Variants in BMPR1B observed in about 807,000 individuals in gnomAD.
BMPR1B encodes the protein bone morphogenetic protein receptor type-1B.
In BMPR1B, 12 loss-of-function variants were observed where a neutral mutation model predicts 59.1. The observed-to-expected ratio is 0.20, with a 90% CI of 0.13 to 0.33. The LOEUF is 0.33. Among genes scored for constraint, BMPR1B ranks in the 10% least tolerant of loss-of-function variants. The probability of loss-of-function intolerance (pLI) is 1.00; values close to 1 mark genes in which losing one functional copy is unlikely to be tolerated. For missense variants in BMPR1B, 550 were observed against 610.9 expected (o/e 0.90, Z 1.05); for synonymous variants, 237 against 207.3 (o/e 1.14, Z -1.23).
chr4:94,952,876 A>T (rs1256240804), intron 2 of BMPR1B, among the ~76,000 whole-genome samples: 1 of 152,152 alleles, frequency 6.6e-6, no homozygotes, highest in Non-Finnish European at 1.5e-5. Flanking sequence ...CTCTGCCACT[A>T]TTATAGTGTG....
intron 3 of BMPR1B, among the ~76,000 whole-genome samples, chr4:95,030,122 G>T (rs1388982337): frequency 9.9e-5 from 15 of 151,572 alleles, no homozygotes; most frequent in South Asian, 4.2e-4. Flanking sequence ...TTAGTTTAAT[G>T]AGATCCCATT....
chr4:95,018,642 A>G (rs1723752584), intron 3 of BMPR1B, among the ~76,000 whole-genome samples: 1 of 152,190 alleles, frequency 6.6e-6, no homozygotes, highest in South Asian at 2.1e-4. Flanking sequence ...ATGGAATTAT[A>G]TGAGCTTTTT....
intron 1 of BMPR1B, among the ~76,000 whole-genome samples, chr4:94,875,547 A>G (rs1037507385): frequency 4.6e-5 from 7 of 152,090 alleles, no homozygotes; most frequent in African/African-American, 9.7e-5. Context: ...AGCCATGTGT[A>G]GTGGCGGGCA....
In BMPR1B at chr4:94,844,678, G is replaced by C. The variant is rs1402743935; in HGVS notation, c.-182-31153G>C. On this transcript the variant is annotated intron_variant, in intron 1 of 12. Coordinates refer to ENST00000515059, the MANE Select transcript of BMPR1B (RefSeq NM_001203.3). ...TATGTCTGCCTGACTTCCCCCCGCT[G>C]CCCCGCTCCCCGCCCCAGATTGTTT... 2.6e-5 allele frequency among the ~76,000 whole-genome samples: 4 copies of C among 151,586 alleles called. No homozygotes were observed. The East Asian group carries it at 7.8e-4, about 29-fold the overall frequency.
chr4:95,094,996 T>G (rs1730258271), intron 3 of BMPR1B, among the ~76,000 whole-genome samples: 1 of 152,116 alleles, frequency 6.6e-6, no homozygotes, highest in African/African-American at 2.4e-5. Flanking sequence ...CAGAAAAGTT[T>G]AGGCATATGT....
intron 2 of BMPR1B, among the ~76,000 whole-genome samples, chr4:94,913,090 C>T (rs945887962): frequency 2.3e-4 from 35 of 152,052 alleles, no homozygotes; most frequent in Non-Finnish European, 1.8e-4. Context: ...AGAGGTGACA[C>T]AATCCTCAGA....
intron 10 of BMPR1B, among the ~76,000 whole-genome samples, chr4:95,141,209 T>C (rs753388920): frequency 2.0e-5 from 3 of 152,222 alleles, no homozygotes; most frequent in Non-Finnish European, 4.4e-5. Context: ...TCTCAGTTTT[T>C]GAGCCTAATT....
chr4:94,819,152 T>A (rs1359771625), intron 1 of BMPR1B, among the ~76,000 whole-genome samples: 7 of 152,120 alleles, frequency 4.6e-5, no homozygotes, highest in Admixed American at 1.3e-4. Flanking sequence ...AATTTTTTTT[T>A]TTTTCTCTTA....
intron 1 of BMPR1B, among the ~76,000 whole-genome samples, chr4:94,841,519 G>A (rs929303447): frequency 1.9e-4 from 29 of 152,150 alleles, no homozygotes; most frequent in Non-Finnish European, 4.3e-4. Context: ...GGAGTGACCC[G>A]ATTTTCCAGG....
intron 2 of BMPR1B, among the ~76,000 whole-genome samples, chr4:94,927,964 T>C (rs765838081): frequency 6.6e-6 from 1 of 152,102 alleles, no homozygotes; most frequent in Non-Finnish European, 1.5e-5. Context: ...ACACCAAAGT[T>C]TTGAGGCTGA....
At position 94,928,164 on chromosome 4, in the gene BMPR1B, AT is replaced by A. The variant is rs201354985; in HGVS notation, c.-113+52278del. Among the ~76,000 whole-genome samples, 1,024 of 139,956 alleles carry A rather than the reference AT, an allele frequency of 7.3e-3. 2 individuals carry two copies. Among genetic ancestry groups the A allele is most frequent in the African/African-American group, 0.017 (647 of 38,444 alleles). The allele number at this position is 139,956 out of a possible 152,430, so 91.8% of individuals were successfully genotyped here. On this transcript the variant is annotated intron_variant, in intron 2 of 12. Coordinates refer to ENST00000515059, the MANE Select transcript of BMPR1B (RefSeq NM_001203.3). ...TTTATTTTATTTTCTGTTTTATTGT[AT>A]TTTTTTTTTTTTTAGAAAGAGAAAT...
intron 2 of BMPR1B, among the ~76,000 whole-genome samples, chr4:94,938,679 T>C (rs2149041652): frequency 6.6e-6 from 1 of 152,300 alleles, no homozygotes; most frequent in Non-Finnish European, 1.5e-5. Context: ...ATAGCTTACA[T>C]CTACTGTATA....
At chr4:94,830,367 TATA>T (rs1306561777) in intron 1 of BMPR1B, among the ~76,000 whole-genome samples, 1 of 152,206 alleles carries the variant, frequency 6.6e-6, no homozygotes. Context: ...TATTTATAAA[TATA>T]ATTCTGTTAG....
chr4:95,071,650 GTGTATA>G lies in BMPR1B; in HGVS notation c.-17-32756_-17-32751del, dbSNP rs1204788320. ...TGTGTGTTTGTGTGTGTGTGTGTGT[GTGTATA>G]TATATATATATATATATATATATAT... is the stretch of plus-strand genomic sequence containing the variant. On this transcript the variant is annotated intron_variant, in intron 3 of 12. Coordinates refer to ENST00000515059, the MANE Select transcript of BMPR1B (RefSeq NM_001203.3). Among the ~76,000 whole-genome samples, 94 of 78,438 alleles carry G rather than the reference GTGTATA, an allele frequency of 1.2e-3. 1 individual carries two copies. The highest frequency in any genetic ancestry group is 1.5e-3 in the Non-Finnish European group (54 of 36,138). The allele number at this position is 78,438 out of a possible 152,430, so 51.5% of individuals were successfully genotyped here. A position where few individuals can be genotyped will look rare whatever the true frequency, so the allele number is the denominator to read the frequency against.
chr4:94,792,124 T>C (rs1723007819), intron 1 of BMPR1B, among the ~76,000 whole-genome samples: 1 of 152,158 alleles, frequency 6.6e-6, no homozygotes, highest in African/African-American at 2.4e-5. Context: ...AGTTTTACCT[T>C]TCTGACGATG....
rs572010243 is a variant in BMPR1B, at chr4:94,988,968, T to C, written c.-112-7072T>C. 2.4e-4 allele frequency among the ~76,000 whole-genome samples: 37 copies of C among 152,266 alleles called. No homozygotes were observed. The South Asian group carries it at 7.3e-3, about 30-fold the overall frequency. On this transcript the variant is annotated intron_variant, in intron 2 of 12. Transcript: ENST00000515059. ...TTCATTTACACTGAGCGTCACCTGT[T>C]CCCTCAGGTGAAAAATGAGGACTAG...
intron 2 of BMPR1B, among the ~76,000 whole-genome samples, chr4:94,949,813 G>T (rs1729862611): frequency 6.6e-6 from 1 of 152,094 alleles, no homozygotes; most frequent in African/African-American, 2.4e-5. Flanking sequence ...CTCAGTAATG[G>T]GATTACTGGG....
intron 1 of BMPR1B, among the ~76,000 whole-genome samples, chr4:94,847,801 G>A (rs1725396066): frequency 6.6e-6 from 1 of 152,128 alleles, no homozygotes; most frequent in Admixed American, 6.5e-5. Context: ...GGGTAGTGGG[G>A]TGGGATTGGG....
chr4:94,839,759 C>T lies in BMPR1B; in HGVS notation c.-182-36072C>T, dbSNP rs1018662925. Among the ~76,000 whole-genome samples, 26 of 137,290 alleles carry T rather than the reference C, an allele frequency of 1.9e-4. 2 individuals are homozygous for T. The highest frequency in any genetic ancestry group is 1.1e-4 in the Non-Finnish European group (7 of 62,096). The allele number at this position is 137,290 out of a possible 152,430, so 90.1% of individuals were successfully genotyped here. On this transcript the variant is annotated intron_variant, in intron 1 of 12. Transcript: ENST00000515059. ...TTAATTGGAGCATTTAGTCCATTTA[C>T]ATTTAAAGTTAATATTGTGATGTGT...
Sources: gnomAD v4.1 joint callset for allele counts (sites outside exome capture counted in the v4.1 genomes callset) on GRCh38, gnomAD v4.1.1 for gene constraint, MANE v1.5 for transcripts, NCBI Gene and HGNC (gene_info 2026-07-23, HGNC 2026-07-21) for gene names.